VGLL1: variants seen among roughly 807,000 people sequenced by gnomAD.
VGLL1 encodes the protein transcription cofactor vestigial-like protein 1.
VGLL1 carries 4 observed loss-of-function variants against 12.0 expected under a neutral mutation model. That is an observed-to-expected ratio of 0.33 (90% CI 0.16 to 0.76). The LOEUF (loss-of-function observed/expected upper bound fraction) is 0.76. VGLL1 is among the 30% of genes least tolerant of loss of function. VGLL1 has a pLI of 0.60. For missense variants in VGLL1, 204 were observed against 208.7 expected (o/e 0.98, Z 0.14); for synonymous variants, 87 against 81.2 (o/e 1.07, Z -0.39).
At chrX:136,553,688 G>C (rs1249020368) in intron 4 of VGLL1, among the ~76,000 whole-genome samples, 4 of 111,998 alleles carry the variant, frequency 3.6e-5, no homozygotes, top group Non-Finnish European at 7.5e-5. Context: ...TGGAAATTTA[G>C]GTTGTTCTGA....
chrX:136,538,909 G>A (rs1029746882), intron 2 of VGLL1, among the ~76,000 whole-genome samples: 3 of 108,234 alleles, frequency 2.8e-5, no homozygotes, highest in Non-Finnish European at 5.8e-5. Context: ...AAATGGGCAG[G>A]AGGGGGTGGG....
chrX:136,547,610 A>T (rs922754326), intron 2 of VGLL1, among the ~76,000 whole-genome samples: 1 of 111,761 alleles, frequency 8.9e-6, no homozygotes, highest in Non-Finnish European at 1.9e-5. Context: ...TACTCTGGAA[A>T]ATGTGGTTTT....
In VGLL1 at chrX:136,536,136, G is replaced by A. The variant is rs775474658; in HGVS notation, c.116G>A (p.Ser39Asn). 1.7e-6 allele frequency: 2 copies of A among 1,211,496 alleles called. No homozygotes were observed. The highest frequency in any genetic ancestry group is 2.2e-6 in the Non-Finnish European group (2 of 895,430). Reference sequence around the variant, plus strand: ...ACCTACTTCCAAGGGGACATCAGCAGCGTAGTGGATGAACACTTCTCCAGA... The same window carrying A: ...ACCTACTTCCAAGGGGACATCAGCAACGTAGTGGATGAACACTTCTCCAGA... ...LFTYFQGDIS[S>N]VVDEHFSRAL... Residue 39 changes from serine to asparagine, a missense_variant, in exon 2 of 5, where the codon AGC becomes AAC. By Grantham distance (46) the Ser-to-Asn change is conservative (BLOSUM62 1). Transcript: ENST00000370634.
chrX:136,542,983 A>G (rs930814730), intron 2 of VGLL1, among the ~76,000 whole-genome samples: 2 of 111,694 alleles, frequency 1.8e-5, no homozygotes, highest in East Asian at 2.8e-4. Flanking sequence ...CTCTATGTCC[A>G]TTTTCCTGAT....
At chrX:136,543,902 G>A (rs1231138200) in intron 2 of VGLL1, among the ~76,000 whole-genome samples, 1 of 112,127 alleles carries the variant, frequency 8.9e-6, no homozygotes, top group Non-Finnish European at 1.9e-5. Flanking sequence ...TTTTTTGGGA[G>A]CTTCACGTGT....
chrX:136,543,338 G>T (rs1322372245), intron 2 of VGLL1, among the ~76,000 whole-genome samples: 1 of 111,483 alleles, frequency 9.0e-6, no homozygotes, highest in East Asian at 2.8e-4. Context: ...TTTGTACTTG[G>T]GGGTGAATGG....
chrX:136,556,497 A>G lies in VGLL1; in HGVS notation c.735A>G (p.Pro245=). 8.3e-7 allele frequency: 1 copy of G among 1,211,485 alleles called. No homozygotes were observed. The highest frequency in any genetic ancestry group is 1.1e-6 in the Non-Finnish European group (1 of 895,289). The part of the protein sequence containing the change: ...ETPGKYSLTP[P]NHWGHPHRYL... ...CTGGGAAATACTCACTTACACCACC[A>G]AACCACTGGGGCCACCCACATCGAT... is the stretch of plus-strand genomic sequence containing the variant. The change falls in exon 5 of 5, where the codon CCA becomes CCG. Residue 245 remains proline (P), a synonymous_variant. Coordinates refer to ENST00000370634, the MANE Select transcript of VGLL1 (RefSeq NM_016267.4).
At chrX:136,545,708 G>A (rs945456516) in intron 2 of VGLL1, among the ~76,000 whole-genome samples, 1 of 111,431 alleles carries the variant, frequency 9.0e-6, no homozygotes, top group African/African-American at 3.3e-5. Context: ...GGGCCTCCAT[G>A]CAAGGATAAA....
intron 2 of VGLL1, among the ~76,000 whole-genome samples, chrX:136,541,802 A>T (rs1251913686): frequency 2.7e-5 from 3 of 112,504 alleles, no homozygotes; most frequent in Non-Finnish European, 1.9e-5. Context: ...AAATGCCGTC[A>T]AATTTCCTGG....
intron 2 of VGLL1, among the ~76,000 whole-genome samples, chrX:136,545,087 T>A (rs1292753758): frequency 2.7e-5 from 3 of 112,396 alleles, no homozygotes; most frequent in African/African-American, 9.7e-5. Flanking sequence ...GGCACTGTGC[T>A]AAACCTTTTA....
At chrX:136,532,575 TTCTTTC>T (rs2075825556) in intron 1 of VGLL1, among the ~76,000 whole-genome samples, 3 of 6,458 alleles carry the variant, frequency 4.6e-4, no homozygotes, top group African/African-American at 1.3e-3. Flanking sequence ...GCTCAAATAT[TTCTTTC>T]TTTCTTTCTT....
intron 2 of VGLL1, among the ~76,000 whole-genome samples, chrX:136,543,324 GC>G (rs2075861373): frequency 9.0e-6 from 1 of 111,471 alleles, no homozygotes; most frequent in African/African-American, 3.3e-5. Flanking sequence ...CAAACAATAT[GC>G]TTTTTGTACT....
At chrX:136,553,517 G>C (rs1247430462) in intron 4 of VGLL1, among the ~76,000 whole-genome samples, 1 of 111,000 alleles carries the variant, frequency 9.0e-6, no homozygotes, top group Non-Finnish European at 1.9e-5. Context: ...TCCCCATGTT[G>C]ATCAGGCTGG....
chrX:136,532,410 G>T (rs2075824791), intron 1 of VGLL1, 114 bp downstream of exon 1: 1 of 111,517 alleles, frequency 9.0e-6, no homozygotes, highest in African/African-American at 3.3e-5. Flanking sequence ...TCCCCTTGGG[G>T]ATTTCGTTCC....
intron 2 of VGLL1, among the ~76,000 whole-genome samples, chrX:136,537,622 C>T (rs1028815043): frequency 2.7e-5 from 3 of 111,202 alleles, no homozygotes; most frequent in South Asian, 3.8e-4. Context: ...TGTGGTGGCG[C>T]GATCATAACT....
chrX:136,544,856 C>A (rs1428752819), intron 2 of VGLL1, among the ~76,000 whole-genome samples: 2 of 111,835 alleles, frequency 1.8e-5, no homozygotes, highest in African/African-American at 6.5e-5. Flanking sequence ...TTATGGGCCC[C>A]TTGGCTCAGT....
At chrX:136,541,553 T>A (rs1054578799) in intron 2 of VGLL1, among the ~76,000 whole-genome samples, 2 of 112,502 alleles carry the variant, frequency 1.8e-5, no homozygotes, top group African/African-American at 6.5e-5. Flanking sequence ...CTGGAGGTGT[T>A]ATATGACATA....
At chrX:136,540,449 C>T (rs1034752160) in intron 2 of VGLL1, among the ~76,000 whole-genome samples, 3 of 111,363 alleles carry the variant, frequency 2.7e-5, no homozygotes, top group African/African-American at 6.5e-5. Flanking sequence ...ACCTGCATGG[C>T]GTCACCTTTC....
intron 2 of VGLL1, among the ~76,000 whole-genome samples, chrX:136,537,435 G>A (rs1302771829): frequency 1.8e-5 from 2 of 111,632 alleles, no homozygotes; most frequent in African/African-American, 6.5e-5. Context: ...GTAAAAATGG[G>A]TGCTGTTTAA....
Sources: allele counts gnomAD v4.1 joint callset (sites outside exome capture counted in the v4.1 genomes callset), GRCh38; gene constraint gnomAD v4.1.1; transcripts MANE v1.5; gene names NCBI Gene and HGNC (gene_info 2026-07-23, HGNC 2026-07-21).